The following RAPGEF4 variants were observed in gnomAD, a reference collection of about 807,000 sequenced individuals.
RAPGEF4 encodes the protein RAP guanine-nucleotide-exchange factor (GEF) 4.
RAPGEF4 carries 66 observed loss-of-function variants against 147.9 expected under a neutral mutation model. That is an observed-to-expected ratio of 0.45 (90% CI 0.37 to 0.55). The LOEUF (loss-of-function observed/expected upper bound fraction) is 0.55. Among genes scored for constraint, RAPGEF4 ranks in the 20% least tolerant of loss-of-function variants. The pLI is 0.00. For synonymous variants in RAPGEF4, 419 were observed against 442.7 expected, an observed-to-expected ratio of 0.95 and a Z score of 0.67; for missense variants, 1,071 against 1,257.3, an observed-to-expected ratio of 0.85 and a Z score of 2.24.
chr2:172,745,304 A>G (rs1349296591), intron 1 of RAPGEF4, among the ~76,000 whole-genome samples: 6 of 152,088 alleles, frequency 3.9e-5, no homozygotes, highest in Non-Finnish European at 8.8e-5. Context: ...GTCAGTTTTT[A>G]TAGTTATTTC....
chr2:172,787,315 A>T (rs962733237), intron 1 of RAPGEF4, among the ~76,000 whole-genome samples: 1 of 152,164 alleles, frequency 6.6e-6, no homozygotes, highest in African/African-American at 2.4e-5. Context: ...CATTATTACC[A>T]TTATGATTTA....
chr2:172,772,646 A>C (rs1683740640), intron 1 of RAPGEF4, among the ~76,000 whole-genome samples: 1 of 152,164 alleles, frequency 6.6e-6, no homozygotes, highest in Non-Finnish European at 1.5e-5. Flanking sequence ...ACCCAGCTAA[A>C]ACATTATTTT....
At chr2:172,802,162 G>A (rs1349987135) in intron 3 of RAPGEF4, among the ~76,000 whole-genome samples, 1 of 152,194 alleles carries the variant, frequency 6.6e-6, no homozygotes, top group Non-Finnish European at 1.5e-5. Flanking sequence ...TAATGGAAAT[G>A]GGAATACATG....
rs748105730 is a variant in RAPGEF4, at chr2:172,996,524, C to T, written c.1549C>T (p.Arg517Cys). ...TTTAGAGCATTTTCTAGAAACAATA[C>T]GCCTTGAGGCAACTTTAAATGAAGC... is the stretch of plus-strand genomic sequence containing the variant. Reference protein sequence around the residue: ...KILEHFLETIRLEATLNEATD... With the variant: ...KILEHFLETICLEATLNEATD... Residue 517 changes from arginine (R) to cysteine (C), a missense_variant, in exon 16 of 31, where the codon CGC becomes TGC. Physicochemically the swap from Arg to Cys is radical, Grantham distance 180. Coordinates refer to ENST00000397081, the MANE Select transcript of RAPGEF4 (RefSeq NM_007023.4). The T allele has an allele frequency of 1.7e-5, 27 of 1,584,512 alleles. No homozygotes were observed. The highest frequency in any genetic ancestry group is 2.8e-5 in the African/African-American group (2 of 72,676).
chr2:172,955,032 C>T (rs1040049763), intron 6 of RAPGEF4, among the ~76,000 whole-genome samples: 8 of 152,306 alleles, frequency 5.3e-5, no homozygotes, highest in African/African-American at 1.9e-4. Flanking sequence ...ACTTGCCTGG[C>T]TTTTTACCGC....
chr2:172,878,508 T>A (rs1031236919), intron 4 of RAPGEF4, among the ~76,000 whole-genome samples: 8 of 152,178 alleles, frequency 5.3e-5, no homozygotes, highest in Admixed American at 2.0e-4. Flanking sequence ...GTTATTCCTG[T>A]TAAAAAAACA....
At chr2:172,749,768 C>T (rs549148559) in intron 1 of RAPGEF4, among the ~76,000 whole-genome samples, 2 of 152,272 alleles carry the variant, frequency 1.3e-5, no homozygotes, top group South Asian at 2.1e-4. Context: ...GTGAATTTCC[C>T]GAACTTTTAT....
chr2:172,939,513 C>A (rs761036320), intron 6 of RAPGEF4, among the ~76,000 whole-genome samples: 12 of 152,100 alleles, frequency 7.9e-5, no homozygotes, highest in Non-Finnish European at 1.3e-4. Context: ...TTGGAGAATT[C>A]TTTGCATATT....
In RAPGEF4 at chr2:172,961,173, C is replaced by G; in HGVS notation, c.643C>G (p.Leu215Val). Residue 215 changes from leucine to valine, a missense_variant, in exon 8 of 31, where the codon CTC becomes GTC. Leu to Val is a conservative substitution (Grantham distance 32, BLOSUM62 1). Coordinates refer to ENST00000397081, the MANE Select transcript of RAPGEF4 (RefSeq NM_007023.4). ...RAGKILRNAI[L>V]SRAPHMIRDR... ...TGGAAAAATTTTACGAAATGCCATT[C>G]TCTCTCGAGCACCTCACATGATAAG... The G allele has an allele frequency of 6.2e-7, 1 of 1,613,306 alleles. No homozygotes were observed. Among genetic ancestry groups the G allele is most frequent in the Non-Finnish European group, 8.5e-7 (1 of 1,179,240 alleles).
At chr2:172,850,367 T>C (rs1163756125) in intron 4 of RAPGEF4, among the ~76,000 whole-genome samples, 1 of 152,102 alleles carries the variant, frequency 6.6e-6, no homozygotes, top group African/African-American at 2.4e-5. Flanking sequence ...CCTGTAATCC[T>C]AGCACTTCGG....
intron 4 of RAPGEF4, among the ~76,000 whole-genome samples, chr2:172,843,519 A>G (rs1340342577): frequency 6.6e-6 from 1 of 152,224 alleles, no homozygotes; most frequent in African/African-American, 2.4e-5. Flanking sequence ...TTGCCTTTAG[A>G]GTAGTCCTTT....
chr2:172,850,432 A>G (rs1043919628), intron 4 of RAPGEF4, among the ~76,000 whole-genome samples: 6 of 152,022 alleles, frequency 3.9e-5, no homozygotes, highest in Non-Finnish European at 8.8e-5. Flanking sequence ...CCTGGCTAAC[A>G]CGGTGAAACC....
rs1339661315 is a variant in RAPGEF4, at chr2:172,795,049, T to A, written c.90T>A (p.Asp30Glu). 6.2e-7 allele frequency: 1 copy of A among 1,614,112 alleles called. No individual in the cohort carries two copies. The highest frequency in any genetic ancestry group is 1.7e-5 in the Admixed American group (1 of 60,034). Residue 30 changes from aspartate to glutamate, a missense_variant, in exon 2 of 31, where the codon GAT (aspartate) becomes GAA (glutamate). By Grantham distance (45) the Asp-to-Glu change is conservative. Coordinates refer to ENST00000397081, the MANE Select transcript of RAPGEF4 (RefSeq NM_007023.4). ...DKRPLERSSE[D>E]VDIIFTRLKE... ...GACCACTGGAGCGATCCAGCGAAGA[T>A]GTGGATATAATCTTCACTCGACTGA...
chr2:172,940,177 AC>A (rs1687005784), intron 6 of RAPGEF4, among the ~76,000 whole-genome samples: 1 of 152,010 alleles, frequency 6.6e-6, no homozygotes, highest in Admixed American at 6.6e-5. Context: ...TGGGGAGAAG[AC>A]CACCGAGTTC....
intron 4 of RAPGEF4, among the ~76,000 whole-genome samples, chr2:172,828,706 G>A (rs929266070): frequency 1.3e-5 from 2 of 152,084 alleles, no homozygotes; most frequent in African/African-American, 4.8e-5. Context: ...TGCTGAAGGG[G>A]CCCTTTGCCT....
At chr2:172,817,171 GT>G (rs1435241484) in intron 4 of RAPGEF4, among the ~76,000 whole-genome samples, 4 of 152,190 alleles carry the variant, frequency 2.6e-5, no homozygotes, top group African/African-American at 9.7e-5. Context: ...ATAGTCAGAT[GT>G]TCGTATGTTT....
chr2:173,014,828 A>G (rs1695360234), intron 18 of RAPGEF4, among the ~76,000 whole-genome samples: 1 of 152,092 alleles, frequency 6.6e-6, no homozygotes, highest in South Asian at 2.1e-4. Context: ...ATTTTCATGT[A>G]TTTTCATCTA....
chr2:173,017,447 T>C lies in RAPGEF4; in HGVS notation c.1951T>C (p.Phe651Leu). The C allele has an allele frequency of 1.9e-6, 3 of 1,614,196 alleles. No homozygotes were observed. The highest frequency in any genetic ancestry group is 2.5e-6 in the Non-Finnish European group (3 of 1,180,026). ...QKKHKVLLQQ[F>L]NTGDERAQKR... ...ACAGCACAAGGTTCTTTTGCAACAG[T>C]TCAATACGGGCGATGAGAGAGCCCA... Residue 651 changes from phenylalanine to leucine, a missense_variant, in exon 21 of 31, where the codon TTC becomes CTC. Physicochemically the swap from Phe to Leu is conservative, Grantham distance 22. Transcript: ENST00000397081.
chr2:173,006,413 GT>G (rs894143475), intron 17 of RAPGEF4, among the ~76,000 whole-genome samples: 6 of 151,908 alleles, frequency 3.9e-5, no homozygotes, highest in Non-Finnish European at 8.8e-5. Context: ...ATTTTGGACA[GT>G]TTTTTTTGTT....
Sources: allele counts gnomAD v4.1 joint callset (sites outside exome capture counted in the v4.1 genomes callset), GRCh38; gene constraint gnomAD v4.1.1; transcripts MANE v1.5; gene names NCBI Gene and HGNC (gene_info 2026-07-23, HGNC 2026-07-21).